Variants in ABCA9 observed in about 807,000 individuals in gnomAD.
ABCA9 encodes the protein ATP-binding cassette sub-family A member 9.
ABCA9 carries 183 observed loss-of-function variants against 205.3 expected under a neutral mutation model. The observed-to-expected ratio is 0.89, with a 90% CI of 0.79 to 1.01. The LOEUF (loss-of-function observed/expected upper bound fraction) is 1.01, where lower values mean the gene tolerates loss of function less well. ABCA9 is among the 50% of genes least tolerant of loss of function. The pLI, the probability that ABCA9 is intolerant of heterozygous loss-of-function variation, is 0.00. For synonymous variants in ABCA9, 651 were observed against 683.3 expected (o/e 0.95, Z 0.74); for missense variants, 1,805 against 1,912.4 (o/e 0.94, Z 1.05).
the ABCA9 span, among the ~76,000 whole-genome samples, chr17:69,066,084 T>C: frequency 6.6e-6 from 1 of 152,208 alleles, no homozygotes; most frequent in Non-Finnish European, 1.5e-5. Flanking sequence ...ATGTCTTTAC[T>C]AGCAACGTGA....
chr17:69,017,490 G>A (rs1010431906), intron 21 of ABCA9, among the ~76,000 whole-genome samples, 166 bp downstream of exon 21: 12 of 152,094 alleles, frequency 7.9e-5, no homozygotes, highest in Admixed American at 1.3e-4. Flanking sequence ...ATATTGCCAT[G>A]CTGAAGGCTA....
intron 29 of ABCA9, 103 bp from the exon 30 acceptor site, chr17:68,990,033 T>A: frequency 1.3e-6 from 1 of 785,942 alleles, no homozygotes; most frequent in Non-Finnish European, 2.1e-6. Flanking sequence ...AAATCATGAA[T>A]CAAACCACTT....
At chr17:69,004,461 C>T (rs1017182798) in intron 25 of ABCA9, among the ~76,000 whole-genome samples, 3 of 152,248 alleles carry the variant, frequency 2.0e-5, no homozygotes, top group African/African-American at 7.2e-5. Context: ...AGGAGGCAGT[C>T]TGCCCGTTCT....
At chr17:69,059,994 G>A (rs2072188985) in intron 1 of ABCA9, among the ~76,000 whole-genome samples, 1 of 152,140 alleles carries the variant, frequency 6.6e-6, no homozygotes, top group African/African-American at 2.4e-5. Context: ...CTCAGTATCT[G>A]AAAGGGTTAA....
chr17:68,983,620 C>T (rs532475791), intron 36 of ABCA9, 89 bp downstream of exon 36: 14 of 1,523,542 alleles, frequency 9.2e-6, no homozygotes, highest in Middle Eastern at 2.4e-4. Context: ...AGTTAAAGAA[C>T]GAGAAGATAA....
intron 22 of ABCA9, among the ~76,000 whole-genome samples, chr17:69,013,374 G>A (rs959377256): frequency 3.3e-5 from 5 of 152,040 alleles, no homozygotes; most frequent in Admixed American, 6.6e-5. Flanking sequence ...CTAAAACTCA[G>A]CACCCCTCTG....
chr17:69,020,937 A>T (rs2070787961), intron 18 of ABCA9: 1 of 183,310 alleles, frequency 5.5e-6, no homozygotes, highest in Non-Finnish European at 1.1e-5. Flanking sequence ...GAGAGTTAGT[A>T]TATACAGAAA....
At chr17:69,066,381 CT>C in the ABCA9 span, among the ~76,000 whole-genome samples, 404 of 149,038 alleles carry the variant, frequency 2.7e-3, 5 homozygotes, top group Admixed American at 0.021. Context: ...AAAAAAGTAT[CT>C]TTTTTTTTTC....
intron 37 of ABCA9, among the ~76,000 whole-genome samples, chr17:68,979,858 T>C (rs965229311): frequency 6.6e-6 from 1 of 152,074 alleles, no homozygotes; most frequent in Non-Finnish European, 1.5e-5. Flanking sequence ...CAGTACCATT[T>C]AGGACACAGG....
At chr17:68,989,293 CA>C (rs1455839190) in intron 30 of ABCA9, among the ~76,000 whole-genome samples, 175 bp from the exon 31 acceptor site, 1 of 150,950 alleles carries the variant, frequency 6.6e-6, no homozygotes, top group African/African-American at 2.5e-5. Context: ...CACACACACA[CA>C]CCCCTGAGCA....
At chr17:69,003,335 T>C (rs2069964017) in intron 25 of ABCA9, among the ~76,000 whole-genome samples, 1 of 151,472 alleles carries the variant, frequency 6.6e-6, no homozygotes, top group Non-Finnish European at 1.5e-5. Flanking sequence ...TCTCTCAGCA[T>C]TTGCTTGTCT....
At chr17:69,039,143 G>A (rs1464776771) in intron 6 of ABCA9, among the ~76,000 whole-genome samples, 1 of 152,142 alleles carries the variant, frequency 6.6e-6, no homozygotes, top group Non-Finnish European at 1.5e-5. Flanking sequence ...ACTGTCCAAA[G>A]TAATTTATAG....
intron 37 of ABCA9, among the ~76,000 whole-genome samples, chr17:68,979,109 G>A (rs574765328): frequency 1.8e-4 from 28 of 152,284 alleles, no homozygotes; most frequent in African/African-American, 6.7e-4. Context: ...CAAAATCAAT[G>A]TGCAAAAGTC....
chr17:69,074,207 T>C, the ABCA9 span, among the ~76,000 whole-genome samples: 7 of 152,146 alleles, frequency 4.6e-5, no homozygotes, highest in Non-Finnish European at 1.5e-5. Context: ...TATATTTTTC[T>C]CTATTATACA....
At chr17:69,044,095 G>C (rs953594708) in intron 5 of ABCA9, among the ~76,000 whole-genome samples, 20 of 152,152 alleles carry the variant, frequency 1.3e-4, no homozygotes, top group African/African-American at 4.8e-4. Flanking sequence ...GGGAGGCTGA[G>C]GTAGGAGGAT....
At chr17:69,055,042 A>G (rs951639171) in intron 1 of ABCA9, among the ~76,000 whole-genome samples, 1 of 152,222 alleles carries the variant, frequency 6.6e-6, no homozygotes, top group Non-Finnish European at 1.5e-5. Flanking sequence ...TAAATGCTCA[A>G]TTAAAACCAC....
chr17:69,026,952 T>C (rs772235502), intron 15 of ABCA9, 24 bp downstream of exon 15: 4 of 1,612,728 alleles, frequency 2.5e-6, no homozygotes, highest in Non-Finnish European at 3.4e-6. Flanking sequence ...CTCATGAAGA[T>C]ACATAAGAGA....
chr17:69,023,117 A>G lies in ABCA9; in HGVS notation c.2281+1097T>C, dbSNP rs2070877625. Reference sequence around the variant, plus strand: ...GATATATTTCATCATCTTTTAATATATCTGAAATAATAATGGATCTTAAAT... The same window carrying G: ...GATATATTTCATCATCTTTTAATATGTCTGAAATAATAATGGATCTTAAAT... On this transcript the variant is annotated intron_variant, in intron 17 of 38. Coordinates refer to ENST00000340001, the MANE Select transcript of ABCA9 (RefSeq NM_080283.4). The surrounding 1 kb of genome is among the most constrained non-coding windows in gnomAD (Gnocchi z 4.2). 1 of 152,228 alleles carries G rather than the reference A, an allele frequency of 6.6e-6. No individual in the cohort carries two copies. Among genetic ancestry groups the G allele is most frequent in the African/African-American group, 2.4e-5 (1 of 41,470 alleles). 9.4% of individuals were successfully genotyped at this position (152,228 alleles called of 1,614,324 possible).
chr17:68,977,295 A>C (rs973768074), intron 37 of ABCA9, among the ~76,000 whole-genome samples: 10 of 152,136 alleles, frequency 6.6e-5, no homozygotes, highest in African/African-American at 2.2e-4. Context: ...AGGGGGGGAA[A>C]GAAAGTCATC....
Sources: gnomAD v4.1 joint callset for allele counts (sites outside exome capture counted in the v4.1 genomes callset) on GRCh38, gnomAD v4.1.1 for gene constraint, Gnocchi (gnomAD v3.1) non-coding constraint, MANE v1.5 for transcripts, NCBI Gene and HGNC (gene_info 2026-07-23, HGNC 2026-07-21) for gene names.